Variants in SEZ6L observed in about 807,000 individuals in gnomAD.
SEZ6L encodes seizure 6-like protein.
In SEZ6L, 37 loss-of-function variants were observed where a neutral mutation model predicts 106.2. The ratio of observed to expected loss-of-function variants is 0.35; its 90% CI spans 0.27 to 0.46. SEZ6L has a LOEUF of 0.46. Ranked by LOEUF, SEZ6L falls within the 20% of genes least tolerant of loss-of-function variation. The pLI, the probability that SEZ6L is intolerant of heterozygous loss-of-function variation, is 1.00. For missense variants in SEZ6L, 1,172 were observed against 1,332.8 expected, an observed-to-expected ratio of 0.88 and a Z score of 1.88; for synonymous variants, 541 against 570.4, an observed-to-expected ratio of 0.95 and a Z score of 0.73.
At chr22:26,323,345 C>T (rs939330168) in intron 9 of SEZ6L, among the ~76,000 whole-genome samples, 5 of 152,120 alleles carry the variant, frequency 3.3e-5, no homozygotes, top group African/African-American at 7.2e-5. Context: ...ATGAAAGAGA[C>T]GGTAAGGCTG....
chr22:26,318,262 TG>T (rs2082061277), intron 9 of SEZ6L, among the ~76,000 whole-genome samples: 1 of 151,906 alleles, frequency 6.6e-6, no homozygotes, highest in South Asian at 2.1e-4. Flanking sequence ...TTAATAGAGA[TG>T]GGGTTTCACC....
At chr22:26,356,931 A>G (rs1434571874) in intron 12 of SEZ6L, among the ~76,000 whole-genome samples, 2 of 151,326 alleles carry the variant, frequency 1.3e-5, no homozygotes, top group African/African-American at 2.4e-5. Context: ...CAAGGGTCCA[A>G]CACATCATTG....
At chr22:26,198,598 G>A (rs1940733394) in intron 1 of SEZ6L, among the ~76,000 whole-genome samples, 1 of 152,240 alleles carries the variant, frequency 6.6e-6, no homozygotes, top group Non-Finnish European at 1.5e-5. Flanking sequence ...GCATTGGCAG[G>A]TTTGGTGTCT....
At chr22:26,201,382 C>CAAAAAAAAAAAAAAAAAA (rs71192905) in intron 1 of SEZ6L, among the ~76,000 whole-genome samples, 44 of 75,246 alleles carry the variant, frequency 5.8e-4, no homozygotes, top group African/African-American at 7.9e-4. Flanking sequence ...TACAAAAATA[C>CAAAAAAAAAAAAAAAAAA]AAAAAAAAAA....
chr22:26,292,880 A>G lies in SEZ6L; in HGVS notation c.569A>G (p.Glu190Gly), dbSNP rs775785197. 1 of 1,614,150 alleles carries G rather than the reference A, an allele frequency of 6.2e-7. No homozygotes were observed. ...SEVPLWLDRK[E>G]SAVPTTPAPL... Reference sequence around the variant, plus strand: ...GTGCCCCTTTGGCTGGACCGAAAGGAGAGTGCGGTCCCTACAACACCCGCA... The same window carrying G: ...GTGCCCCTTTGGCTGGACCGAAAGGGGAGTGCGGTCCCTACAACACCCGCA... Residue 190 changes from glutamate to glycine, a missense_variant, in exon 2 of 17, where the codon GAG becomes GGG. Glu to Gly is a moderately conservative substitution (Grantham distance 98). Coordinates refer to ENST00000248933, the MANE Select transcript of SEZ6L (RefSeq NM_021115.5).
At chr22:26,172,363 G>A (rs1454423209) in intron 1 of SEZ6L, among the ~76,000 whole-genome samples, 2 of 152,134 alleles carry the variant, frequency 1.3e-5, no homozygotes, top group Non-Finnish European at 2.9e-5. Flanking sequence ...GATTCATCTT[G>A]TGTTCATATG....
intron 1 of SEZ6L, among the ~76,000 whole-genome samples, chr22:26,202,584 A>G (rs1703915846): frequency 6.6e-6 from 1 of 152,238 alleles, no homozygotes; most frequent in South Asian, 2.1e-4. Context: ...AGCGACAGGA[A>G]GGTGACAGGG....
intron 1 of SEZ6L, among the ~76,000 whole-genome samples, chr22:26,262,422 T>C (rs1204651487): frequency 6.6e-6 from 1 of 152,188 alleles, no homozygotes; most frequent in Non-Finnish European, 1.5e-5. Flanking sequence ...TTAATCCAGA[T>C]GTGATTAGGA....
chr22:26,191,637 G>A (rs1456065923), intron 1 of SEZ6L, among the ~76,000 whole-genome samples: 1 of 152,126 alleles, frequency 6.6e-6, no homozygotes, highest in Non-Finnish European at 1.5e-5. Flanking sequence ...GTTAATGAAT[G>A]CTGGGCTTAA....
chr22:26,293,133 C>T lies in SEZ6L; in HGVS notation c.822C>T (p.Thr274=), dbSNP rs376019482. 2.6e-5 allele frequency: 41 copies of T among 1,549,766 alleles called. No homozygotes were observed. Among genetic ancestry groups the T allele is most frequent in the Non-Finnish European group, 2.9e-5 (34 of 1,156,500 alleles). ...STIITTTVIT[T]EQAPALCSVS... ...TTATCACCACCACGGTCATCACCAC[C>T]GAGCAGGCACCAGGTATGCAGCCCC... Residue 274 remains threonine, a synonymous_variant, in exon 2 of 17, where the codon ACC becomes ACT. Transcript: ENST00000248933.
At chr22:26,377,944 C>T (rs1601662575) in intron 16 of SEZ6L, among the ~76,000 whole-genome samples, 169 bp downstream of exon 16, 3 of 152,242 alleles carry the variant, frequency 2.0e-5, no homozygotes, top group Admixed American at 2.0e-4. Context: ...GAACCCAGCT[C>T]TCTTTGCAGG....
chr22:26,326,246 C>T (rs1278215110), intron 9 of SEZ6L, among the ~76,000 whole-genome samples: 2 of 152,170 alleles, frequency 1.3e-5, no homozygotes, highest in African/African-American at 4.8e-5. Context: ...GTCGGTGCAC[C>T]CCTACAAGCT....
chr22:26,229,942 A>G (rs1335133242), intron 1 of SEZ6L, among the ~76,000 whole-genome samples: 1 of 152,228 alleles, frequency 6.6e-6, no homozygotes, highest in African/African-American at 2.4e-5. Context: ...TTCTCTTGCT[A>G]AAATAAGCCT....
At position 26,294,861 on chromosome 22, in the gene SEZ6L, C is replaced by G. The variant is rs146563059; in HGVS notation, c.969+436C>G. ...TTGCTTGCTTCCTGCTTTCTTGCTTCTTTCTCTTTCTCTTTCTTTCTTTCT... is the reference window on the plus strand; with the variant it reads ...TTGCTTGCTTCCTGCTTTCTTGCTTGTTTCTCTTTCTCTTTCTTTCTTTCT... On this transcript the variant is annotated intron_variant, in intron 3 of 16. Transcript: ENST00000248933. Among the ~76,000 whole-genome samples, 29 of 139,964 alleles carry G rather than the reference C, an allele frequency of 2.1e-4. No individual in the cohort carries two copies. The East Asian group carries it at 5.7e-3, about 28-fold the overall frequency. The allele number at this position is 139,964 out of a possible 152,430, so 91.8% of individuals were successfully genotyped here. A position where few individuals can be genotyped will look rare whatever the true frequency, so the allele number is the denominator to read the frequency against.
chr22:26,228,156 G>T (rs1325300603), intron 1 of SEZ6L, among the ~76,000 whole-genome samples: 1 of 152,138 alleles, frequency 6.6e-6, no homozygotes, highest in South Asian at 2.1e-4. Context: ...GAATATGCTT[G>T]CCTGCCTGAA....
At position 26,373,499 on chromosome 22, in the gene SEZ6L, A is replaced by AG. The variant is rs2146080234; in HGVS notation, c.2827+16_2827+17insG. The AG allele has an allele frequency of 3.1e-6, 3 of 969,154 alleles. No homozygotes were observed. The highest frequency in any genetic ancestry group is 4.1e-6 in the Non-Finnish European group (3 of 728,428). 60.0% of individuals were successfully genotyped at this position (969,154 alleles called of 1,614,324 possible). ...GCTTTAGAAGGTGAGTTCCAGAACGAAAAAAAAAAAAGTTCAATAAATCAA... is the reference window on the plus strand; with the variant it reads ...GCTTTAGAAGGTGAGTTCCAGAACGAGAAAAAAAAAAAGTTCAATAAATCAA... On this transcript the variant is annotated intron_variant, in intron 14 of 16. Coordinates refer to ENST00000248933, the MANE Select transcript of SEZ6L (RefSeq NM_021115.5).
intron 1 of SEZ6L, among the ~76,000 whole-genome samples, chr22:26,177,754 G>A (rs943994787): frequency 6.6e-6 from 1 of 152,098 alleles, no homozygotes; most frequent in Non-Finnish European, 1.5e-5. Flanking sequence ...CACTTCTCAG[G>A]GATAATATGA....
At chr22:26,318,001 T>G (rs984465956) in intron 9 of SEZ6L, among the ~76,000 whole-genome samples, 6 of 152,022 alleles carry the variant, frequency 3.9e-5, no homozygotes. Context: ...AGGGGAGGGG[T>G]CTGCGATGAA....
intron 10 of SEZ6L, among the ~76,000 whole-genome samples, chr22:26,343,821 A>C (rs1249118041): frequency 6.6e-6 from 1 of 152,220 alleles, no homozygotes; most frequent in Admixed American, 6.5e-5. Flanking sequence ...AAAGAAACAC[A>C]CAGTTAATTT....
Sources: gnomAD v4.1 joint callset for allele counts (sites outside exome capture counted in the v4.1 genomes callset) on GRCh38, gnomAD v4.1.1 for gene constraint, MANE v1.5 for transcripts, NCBI Gene and HGNC (gene_info 2026-07-23, HGNC 2026-07-21) for gene names.